Variants in PCDH17 observed in about 807,000 individuals in gnomAD.
PCDH17 encodes the protein protocadherin 17.
PCDH17 carries 21 observed loss-of-function variants against 67.7 expected under a neutral mutation model. The ratio of observed to expected loss-of-function variants is 0.31; its 90% CI spans 0.22 to 0.45. PCDH17 has a LOEUF of 0.45. PCDH17 is among the 20% of genes least tolerant of loss of function. The pLI, the probability that PCDH17 is intolerant of heterozygous loss-of-function variation, is 1.00. For synonymous variants in PCDH17, 701 were observed against 656.7 expected (o/e 1.07, Z -1.03); for missense variants, 1,471 against 1,564.8 (o/e 0.94, Z 1.01).
At position 57,633,642 on chromosome 13, in the gene PCDH17, C is replaced by G. The variant is rs769778384; in HGVS notation, c.1096C>G (p.Pro366Ala). 2 of 1,608,566 alleles carry G rather than the reference C, an allele frequency of 1.2e-6. No individual in the cohort carries two copies. The stretch of plus-strand genomic sequence containing the variant: ...CCAGGGGGCGCTGAGCGAGGCCGCC[C>G]CTCCCGGCACCGTCATCGCCCTGGT... ...VRQGALSEAA[P>A]PGTVIALVRV... is the part of the protein sequence containing the mutation. Residue 366 changes from proline to alanine, a missense_variant, in exon 1 of 4, where the codon CCT becomes GCT. Physicochemically the swap from Pro to Ala is conservative, Grantham distance 27. Coordinates refer to ENST00000377918, the MANE Select transcript of PCDH17 (RefSeq NM_001040429.3). This position sits in a 1 kb window ranked among gnomAD's most constrained non-coding sequence, Gnocchi z 6.2.
intron 3 of PCDH17, among the ~76,000 whole-genome samples, chr13:57,698,933 A>C (rs1054453883): frequency 2.0e-5 from 3 of 152,156 alleles, no homozygotes; most frequent in Non-Finnish European, 4.4e-5. Flanking sequence ...AAGGAGAAAA[A>C]AAACAGTAGC....
Position 57,648,934 on chromosome 13 carries a change from G to A in PCDH17, c.2565+13823G>A, listed in dbSNP as rs964106059. 4.6e-5 allele frequency among the ~76,000 whole-genome samples: 7 copies of A among 152,144 alleles called. No homozygotes were observed. In the East Asian group the frequency reaches 9.6e-4, roughly 21 times the overall value. On this transcript the variant is annotated intron_variant, in intron 1 of 3. Transcript: ENST00000377918. ...TTTTTATGTCTCTACTCAGAAGGAT[G>A]ATGTATGATAAAACTGTGTGTCTAA...
chr13:57,693,112 T>C (rs555133908), intron 3 of PCDH17, among the ~76,000 whole-genome samples: 25 of 150,680 alleles, frequency 1.7e-4, no homozygotes, highest in Admixed American at 1.6e-3. Flanking sequence ...ATATGCCTGT[T>C]GTCAAGATTT....
intron 1 of PCDH17, among the ~76,000 whole-genome samples, chr13:57,664,345 A>G (rs904175467): frequency 3.3e-5 from 5 of 152,154 alleles, no homozygotes; most frequent in Admixed American, 6.6e-5. Context: ...GCATAAATAC[A>G]TGTGTGTGTA....
chr13:57,657,557 G>C (rs1208755762), intron 1 of PCDH17, among the ~76,000 whole-genome samples: 3 of 152,190 alleles, frequency 2.0e-5, no homozygotes, highest in Non-Finnish European at 4.4e-5. Context: ...AAAGCTATCA[G>C]AAGCAATGTC....
intron 3 of PCDH17, among the ~76,000 whole-genome samples, chr13:57,680,427 T>C (rs1955437852): frequency 6.6e-6 from 1 of 151,196 alleles, no homozygotes; most frequent in Admixed American, 6.6e-5. Context: ...GAGTGTAGGG[T>C]TATCATGGAG....
chr13:57,659,088 C>A (rs1253352171), intron 1 of PCDH17, among the ~76,000 whole-genome samples: 1 of 143,398 alleles, frequency 7.0e-6, no homozygotes, highest in Non-Finnish European at 1.5e-5. Context: ...CTAATTAGCA[C>A]CAAGGTTATT....
At chr13:57,667,214 TA>T (rs1316614794) in intron 3 of PCDH17, among the ~76,000 whole-genome samples, 1 of 152,172 alleles carries the variant, frequency 6.6e-6, no homozygotes, top group Admixed American at 6.6e-5. Flanking sequence ...ACTTTTTAGA[TA>T]AAATGAAATC....
At chr13:57,713,154 C>A (rs960119969) in intron 3 of PCDH17, among the ~76,000 whole-genome samples, 1 of 151,588 alleles carries the variant, frequency 6.6e-6, no homozygotes, top group African/African-American at 2.4e-5. Context: ...AATTTCCTGA[C>A]CTCTTCTACC....
chr13:57,640,561 A>G (rs1213749520), intron 1 of PCDH17, among the ~76,000 whole-genome samples: 1 of 152,020 alleles, frequency 6.6e-6, no homozygotes, highest in Non-Finnish European at 1.5e-5. Context: ...TACTGTTTTA[A>G]AGTTTCAAAC....
At chr13:57,654,347 T>A (rs150830508) in intron 1 of PCDH17, among the ~76,000 whole-genome samples, 1 of 152,032 alleles carries the variant, frequency 6.6e-6, no homozygotes, top group Non-Finnish European at 1.5e-5. Context: ...AAACAGATAA[T>A]GGGCCATGAG....
rs1423088637 is a variant in PCDH17, at chr13:57,685,646, A to G, written c.2797+18813A>G. On this transcript the variant is annotated intron_variant, in intron 3 of 3. Transcript: ENST00000377918. The stretch of plus-strand genomic sequence containing the variant: ...TGAGTATAAAAGTTGGTTGGAATGA[A>G]AATTTATCTTACCTGTGGGTGTGTG... 2.0e-5 allele frequency among the ~76,000 whole-genome samples: 3 copies of G among 152,044 alleles called. No homozygotes were observed. In the East Asian group the frequency reaches 5.8e-4, roughly 30 times the overall value.
At chr13:57,705,243 A>C (rs1409475434) in intron 3 of PCDH17, among the ~76,000 whole-genome samples, 1 of 152,022 alleles carries the variant, frequency 6.6e-6, no homozygotes, top group Admixed American at 6.6e-5. Context: ...ATATTTCTTA[A>C]GGAAAATATA....
intron 3 of PCDH17, among the ~76,000 whole-genome samples, chr13:57,685,458 A>G (rs1955496488): frequency 6.6e-6 from 1 of 152,004 alleles, no homozygotes. Context: ...AAACAAGCCT[A>G]AAGCCTAATT....
intron 3 of PCDH17, among the ~76,000 whole-genome samples, chr13:57,686,804 G>A (rs1955511700): frequency 1.3e-5 from 2 of 151,994 alleles, no homozygotes; most frequent in South Asian, 4.1e-4. Context: ...CAAAGTGAAA[G>A]TTTATTTCCT....
At chr13:57,663,597 A>C (rs1955211288) in intron 1 of PCDH17, among the ~76,000 whole-genome samples, 1 of 152,156 alleles carries the variant, frequency 6.6e-6, no homozygotes, top group African/African-American at 2.4e-5. Context: ...GTAGTCAATT[A>C]GTTATATGTT....
At chr13:57,703,256 A>C (rs970759264) in intron 3 of PCDH17, among the ~76,000 whole-genome samples, 1 of 152,192 alleles carries the variant, frequency 6.6e-6, no homozygotes, top group Non-Finnish European at 1.5e-5. Flanking sequence ...AGCACCAGAT[A>C]TGAACTGCTT....
chr13:57,641,311 G>T (rs1006616335), intron 1 of PCDH17, among the ~76,000 whole-genome samples: 6 of 151,158 alleles, frequency 4.0e-5, no homozygotes, highest in African/African-American at 1.5e-4. Context: ...CTACAATAAA[G>T]AAGTCCTTAA....
intron 3 of PCDH17, among the ~76,000 whole-genome samples, chr13:57,696,068 T>C (rs1032435736): frequency 9.9e-5 from 15 of 151,500 alleles, no homozygotes; most frequent in African/African-American, 3.6e-4. Flanking sequence ...TATTGATACA[T>C]GGGAAAACAG....
Sources: gnomAD v4.1 joint callset for allele counts (sites outside exome capture counted in the v4.1 genomes callset) on GRCh38, gnomAD v4.1.1 for gene constraint, Gnocchi (gnomAD v3.1) non-coding constraint, MANE v1.5 for transcripts, NCBI Gene and HGNC (gene_info 2026-07-23, HGNC 2026-07-21) for gene names.